Variants in UBE2W observed in about 807,000 individuals in gnomAD.
UBE2W encodes ubiquitin-conjugating enzyme E2 W.
Under a neutral mutation model 27.2 loss-of-function variants are expected in UBE2W, and 18 were observed. The observed-to-expected ratio is 0.66, with a 90% CI of 0.46 to 0.98. The LOEUF is 0.98. Among genes scored for constraint, UBE2W ranks in the 50% least tolerant of loss-of-function variants. The probability of loss-of-function intolerance (pLI) is 0.00; values close to 1 mark genes in which losing one functional copy is unlikely to be tolerated. For synonymous variants in UBE2W, 53 were observed against 57.2 expected (o/e 0.93, Z 0.33); for missense variants, 90 against 180.2 (o/e 0.50, Z 2.87).
chr8:73,822,267 A>G (rs935846601), intron 3 of UBE2W, among the ~76,000 whole-genome samples: 2 of 152,086 alleles, frequency 1.3e-5, no homozygotes, highest in Non-Finnish European at 2.9e-5. Context: ...TTTCCTGTTG[A>G]GAGGGGGCAC....
At chr8:73,846,757 G>A (rs779353161) in intron 1 of UBE2W, among the ~76,000 whole-genome samples, 24 of 152,202 alleles carry the variant, frequency 1.6e-4, no homozygotes, top group Non-Finnish European at 3.2e-4. Flanking sequence ...GGAAGCAGGT[G>A]ATGGGGAGTT....
chr8:73,864,459 A>G (rs2130978694), intron 1 of UBE2W, among the ~76,000 whole-genome samples: 1 of 152,332 alleles, frequency 6.6e-6, no homozygotes, highest in South Asian at 2.1e-4. Context: ...TGTGGCAAAC[A>G]CTAAATAAGT....
Position 73,790,246 on chromosome 8 carries a change from G to A in UBE2W, c.*3856C>T. On this transcript the variant is annotated 3_prime_UTR_variant, in exon 6 of 6. Coordinates refer to ENST00000602593, the MANE Select transcript of UBE2W (RefSeq NM_018299.6). ...GAAACTGCGGAAGACTGACACATTG[G>A]ACATCAGTGGGAAGAGGCAGAAAAA... 2.0e-6 allele frequency: 2 copies of A among 985,196 alleles called. No homozygotes were observed. Among genetic ancestry groups the A allele is most frequent in the Non-Finnish European group, 2.4e-6 (2 of 829,888 alleles). The allele number at this position is 985,196 out of a possible 1,614,324, so 61.0% of individuals were successfully genotyped here.
At chr8:73,837,093 G>A (rs549300502) in intron 1 of UBE2W, among the ~76,000 whole-genome samples, 4 of 152,164 alleles carry the variant, frequency 2.6e-5, no homozygotes, top group African/African-American at 4.8e-5. Flanking sequence ...GCCATCAATT[G>A]TAAGATGCAT....
chr8:73,788,152 A>G lies in UBE2W; in HGVS notation c.*5950T>C, dbSNP rs1057413693. 3.3e-5 allele frequency: 32 copies of G among 978,638 alleles called. No homozygotes were observed. Among genetic ancestry groups the G allele is most frequent in the Non-Finnish European group, 3.9e-5 (32 of 823,762 alleles). 60.6% of individuals were successfully genotyped at this position (978,638 alleles called of 1,614,324 possible). ...ATCCAATAACAACTGCTTTATTATTAAAAGTTATGAAATTCCATAAAGCAA... is the reference window on the plus strand; with the variant it reads ...ATCCAATAACAACTGCTTTATTATTGAAAGTTATGAAATTCCATAAAGCAA... On this transcript the variant is annotated 3_prime_UTR_variant, in exon 6 of 6. Coordinates refer to ENST00000602593, the MANE Select transcript of UBE2W (RefSeq NM_018299.6).
chr8:73,876,698 G>A (rs1445075301), intron 1 of UBE2W, among the ~76,000 whole-genome samples: 1 of 152,220 alleles, frequency 6.6e-6, no homozygotes, highest in Non-Finnish European at 1.5e-5. Flanking sequence ...GCCAGGCACG[G>A]TGGCTCACAC....
At chr8:73,877,467 G>A (rs575642473) in intron 1 of UBE2W, among the ~76,000 whole-genome samples, 2 of 152,286 alleles carry the variant, frequency 1.3e-5, no homozygotes, top group African/African-American at 4.8e-5. Flanking sequence ...AAGGAAAACA[G>A]GTTGAAAGGG....
At chr8:73,869,391 T>C (rs1380832674) in intron 1 of UBE2W, among the ~76,000 whole-genome samples, 3 of 152,184 alleles carry the variant, frequency 2.0e-5, no homozygotes, top group South Asian at 4.1e-4. Flanking sequence ...ACCCCGTCTC[T>C]ACAAAAATAC....
chr8:73,809,904 T>C (rs1055623900), intron 4 of UBE2W, among the ~76,000 whole-genome samples: 1 of 137,390 alleles, frequency 7.3e-6, no homozygotes, highest in Non-Finnish European at 1.5e-5. Context: ...ATTAAGTGAT[T>C]TTTTTTCTTT....
intron 1 of UBE2W, among the ~76,000 whole-genome samples, chr8:73,832,175 C>T (rs1042646813): frequency 6.7e-6 from 1 of 148,252 alleles, no homozygotes; most frequent in Non-Finnish European, 1.5e-5. Flanking sequence ...GGGGCATGCA[C>T]CTGTACTCCC....
chr8:73,848,247 T>C (rs746560554), intron 1 of UBE2W, among the ~76,000 whole-genome samples: 1 of 152,140 alleles, frequency 6.6e-6, no homozygotes, highest in Non-Finnish European at 1.5e-5. Flanking sequence ...TGTATATTCA[T>C]ACATGGCAAT....
chr8:73,802,406 T>C (rs1408110718), intron 5 of UBE2W, among the ~76,000 whole-genome samples: 1 of 152,214 alleles, frequency 6.6e-6, no homozygotes, highest in Non-Finnish European at 1.5e-5. Context: ...AAACGGTTTA[T>C]TTTTAATAAG....
chr8:73,831,417 A>G (rs1320999465), intron 1 of UBE2W: 1 of 160,518 alleles, frequency 6.2e-6, no homozygotes, highest in Admixed American at 6.5e-5. Context: ...TCACTCAACA[A>G]AAGATCTTTT....
At position 73,788,664 on chromosome 8, in the gene UBE2W, G is replaced by GA; in HGVS notation, c.*5437dup. On this transcript the variant is annotated 3_prime_UTR_variant, in exon 6 of 6. Coordinates refer to ENST00000602593, the MANE Select transcript of UBE2W (RefSeq NM_018299.6). The stretch of plus-strand genomic sequence containing the variant: ...GATTATTAAATCTTTCCATACACCA[G>GA]AAAATCTGACAAGTGATGTCATTTT... 2.0e-6 allele frequency: 2 copies of GA among 985,410 alleles called. No individual in the cohort carries two copies. Among genetic ancestry groups the GA allele is most frequent in the Non-Finnish European group, 2.4e-6 (2 of 829,930 alleles). 61.0% of individuals were successfully genotyped at this position (985,410 alleles called of 1,614,324 possible).
At chr8:73,803,574 A>G (rs1024840197) in intron 5 of UBE2W, among the ~76,000 whole-genome samples, 1 of 151,968 alleles carries the variant, frequency 6.6e-6, no homozygotes, top group African/African-American at 2.4e-5. Flanking sequence ...CACCCCCACA[A>G]TCATTCACTG....
Position 73,791,861 on chromosome 8 carries a change from A to T in UBE2W, c.*2241T>A. ...CATTTTAGTTTACTTTATGGTATTT[A>T]TATGTAGAGAGAGAGGTATGTTAAA... On this transcript the variant is annotated 3_prime_UTR_variant, in exon 6 of 6. Coordinates refer to ENST00000602593, the MANE Select transcript of UBE2W (RefSeq NM_018299.6). The T allele has an allele frequency of 4.1e-6, 4 of 984,644 alleles. No homozygotes were observed. The highest frequency in any genetic ancestry group is 4.8e-6 in the Non-Finnish European group (4 of 829,258). The allele number at this position is 984,644 out of a possible 1,614,324, so 61.0% of individuals were successfully genotyped here.
intron 1 of UBE2W, among the ~76,000 whole-genome samples, chr8:73,842,036 G>T (rs1325565772): frequency 6.6e-6 from 1 of 152,126 alleles, no homozygotes; most frequent in Admixed American, 6.5e-5. Context: ...TGGCCTCAAA[G>T]CAACCAGCAG....
chr8:73,819,941 A>T (rs113504256), intron 3 of UBE2W, among the ~76,000 whole-genome samples: 237 of 152,316 alleles, frequency 1.6e-3, no homozygotes, highest in African/African-American at 5.3e-3. Context: ...CTAGTGATAA[A>T]CTCAGTACTG....
rs945106558 is a variant in UBE2W, at chr8:73,787,317, T to C, written c.*6785A>G. Reference sequence around the variant, plus strand: ...GTTACGTGTTATGTTAGTGTGAAAATGAGTAAGAAATATAGGGAGGACATA... The same window carrying C: ...GTTACGTGTTATGTTAGTGTGAAAACGAGTAAGAAATATAGGGAGGACATA... On this transcript the variant is annotated 3_prime_UTR_variant, in exon 6 of 6. Transcript: ENST00000602593. 1.5e-5 allele frequency: 15 copies of C among 985,320 alleles called. No individual in the cohort carries two copies. The highest frequency in any genetic ancestry group is 1.7e-5 in the Non-Finnish European group (14 of 829,914). The allele number at this position is 985,320 out of a possible 1,614,324, so 61.0% of individuals were successfully genotyped here.
Sources: gnomAD v4.1 joint callset for allele counts (sites outside exome capture counted in the v4.1 genomes callset) on GRCh38, gnomAD v4.1.1 for gene constraint, MANE v1.5 for transcripts, NCBI Gene and HGNC (gene_info 2026-07-23, HGNC 2026-07-21) for gene names.